MBD5: variants seen among roughly 807,000 people sequenced by gnomAD.
MBD5 encodes methyl-CpG-binding domain protein 5.
Under a neutral mutation model 117.3 loss-of-function variants are expected in MBD5, and 13 were observed. The observed-to-expected ratio is 0.11, with a 90% CI of 0.07 to 0.18. The LOEUF (loss-of-function observed/expected upper bound fraction) is 0.18, where lower values mean the gene tolerates loss of function less well. Ranked by LOEUF, MBD5 falls within the 10% of genes least tolerant of loss-of-function variation. The pLI is 1.00. For synonymous variants in MBD5, 727 were observed against 766.4 expected (o/e 0.95, Z 0.85); for missense variants, 1,879 against 2,093.8 (o/e 0.90, Z 2.00).
intron 1 of MBD5, among the ~76,000 whole-genome samples, chr2:148,110,799 C>T (rs964348354): frequency 4.6e-5 from 7 of 151,616 alleles, no homozygotes; most frequent in African/African-American, 1.5e-4. Flanking sequence ...GTTGATTTCT[C>T]TATTGTTTTA....
chr2:148,035,188 C>G (rs1694156309), intron 1 of MBD5, among the ~76,000 whole-genome samples: 1 of 151,894 alleles, frequency 6.6e-6, no homozygotes, highest in African/African-American at 2.4e-5. Flanking sequence ...TGGATTGTTA[C>G]CTTTATTAAT....
Position 148,484,011 on chromosome 2 carries a change from G to A in MBD5, c.3420G>A (p.Val1140=). The change falls in exon 9 of 14, where the codon GTG becomes GTA. Residue 1140 remains valine (V), a synonymous_variant. Coordinates refer to ENST00000642680, the MANE Select transcript of MBD5 (RefSeq NM_001378120.1). ...CAACACTTGGTGGGACAGCAGTGGT[G>A]TCAATGGCAGAAACATTGCTGAATA... is the stretch of plus-strand genomic sequence containing the variant. ...TVSTLGGTAV[V]SMAETLLNIS... is the part of the protein sequence containing the mutation. 6.4e-7 allele frequency: 1 copy of A among 1,550,512 alleles called. No individual in the cohort carries two copies. The highest frequency in any genetic ancestry group is 8.7e-7 in the Non-Finnish European group (1 of 1,146,948).
chr2:148,202,715 A>G (rs1699174398), intron 2 of MBD5, among the ~76,000 whole-genome samples: 1 of 152,132 alleles, frequency 6.6e-6, no homozygotes, highest in South Asian at 2.1e-4. Context: ...TCAATGGTAA[A>G]TAACTTTTTT....
intron 3 of MBD5, among the ~76,000 whole-genome samples, chr2:148,318,084 T>A (rs975173606): frequency 6.6e-6 from 1 of 152,218 alleles, no homozygotes; most frequent in East Asian, 1.9e-4. Context: ...GGTGTATACA[T>A]ATTTTCTATT....
Position 148,267,952 on chromosome 2 carries a change from C to CT in MBD5, c.-680+34572dup, listed in dbSNP as rs764230358. On this transcript the variant is annotated intron_variant, in intron 3 of 13. Transcript: ENST00000642680. ...TCTCTCGCTCTCTTTTCTTTTTTTT[C>CT]TTTTTTTTTTTTTTTGAGACAGGTT... 5.7e-3 allele frequency among the ~76,000 whole-genome samples: 725 copies of CT among 127,182 alleles called. 4 individuals are homozygous for CT. The highest frequency in any genetic ancestry group is 0.013 in the African/African-American group (431 of 34,380). 83.4% of individuals were successfully genotyped at this position (127,182 alleles called of 152,430 possible).
Position 148,447,194 on chromosome 2 carries a change from AGAAAGAAAGAAAGAAAGAAAGAAAGAAAG to A in MBD5, c.-556-11008_-556-10980del, listed in dbSNP as rs1706576355. The stretch of plus-strand genomic sequence containing the variant: ...AAGGAAGAAGGAAAGAAAGAAAGAA[AGAAAGAAAGAAAGAAAGAAAGAAAGAAAG>A]AAAGAAAGAAAGGGAAAGGAGGGAG... On this transcript the variant is annotated intron_variant, in intron 4 of 13. Coordinates refer to ENST00000642680, the MANE Select transcript of MBD5 (RefSeq NM_001378120.1). Among the ~76,000 whole-genome samples the A allele has an allele frequency of 3.0e-4, 3 of 9,864 alleles. No individual in the cohort carries two copies. The Non-Finnish European group carries it at 4.8e-3, about 16-fold the overall frequency. The allele number at this position is 9,864 out of a possible 152,430, so 6.5% of individuals were successfully genotyped here.
intron 4 of MBD5, among the ~76,000 whole-genome samples, chr2:148,439,532 A>G (rs16828609): frequency 0.047 from 7,218 of 152,134 alleles, 309 homozygotes; most frequent in Admixed American, 0.096. Context: ...GATATTCTAT[A>G]CTCCTCATTC....
chr2:148,410,896 G>C (rs1355055948), intron 4 of MBD5, among the ~76,000 whole-genome samples: 1 of 152,098 alleles, frequency 6.6e-6, no homozygotes, highest in Non-Finnish European at 1.5e-5. Context: ...TACATGTGCA[G>C]GTTTGTTATA....
At chr2:148,038,231 AG>A (rs1382449465) in intron 1 of MBD5, among the ~76,000 whole-genome samples, 1 of 152,056 alleles carries the variant, frequency 6.6e-6, no homozygotes, top group East Asian at 1.9e-4. Context: ...TCTATATAAC[AG>A]GAGGAATCAC....
chr2:148,275,419 AG>A (rs1701084626), intron 3 of MBD5, among the ~76,000 whole-genome samples: 1 of 152,154 alleles, frequency 6.6e-6, no homozygotes, highest in Non-Finnish European at 1.5e-5. Flanking sequence ...ATTTATTTTA[AG>A]GAATTATCTC....
chr2:148,426,932 C>A (rs1279803627), intron 4 of MBD5, among the ~76,000 whole-genome samples: 6 of 151,722 alleles, frequency 4.0e-5, no homozygotes, highest in African/African-American at 9.7e-5. Context: ...CAGAATCTAC[C>A]ATGAACTCAA....
intron 4 of MBD5, among the ~76,000 whole-genome samples, chr2:148,403,543 A>G (rs1297196497): frequency 6.6e-6 from 1 of 152,192 alleles, no homozygotes; most frequent in Non-Finnish European, 1.5e-5. Flanking sequence ...TGATGTTTCC[A>G]TTGATTTCTA....
intron 3 of MBD5, among the ~76,000 whole-genome samples, chr2:148,258,064 C>T (rs1054766474): frequency 1.3e-5 from 2 of 152,154 alleles, no homozygotes; most frequent in African/African-American, 2.4e-5. Context: ...CTTTTTGTCT[C>T]AGTTATCTCT....
At chr2:148,386,731 AAAAAAAAAAAAAG>A in intron 4 of MBD5, among the ~76,000 whole-genome samples, 1 of 150,448 alleles carries the variant, frequency 6.6e-6, no homozygotes, top group South Asian at 2.1e-4. Flanking sequence ...AAAAAAAAAA[AAAAAAAAAAAAAG>A]AAGATACTTT....
chr2:148,234,006 T>C (rs1289052005), intron 3 of MBD5, among the ~76,000 whole-genome samples: 2 of 152,154 alleles, frequency 1.3e-5, no homozygotes, highest in Non-Finnish European at 2.9e-5. Context: ...TGGGCAAGGA[T>C]TGTGGACCAC....
chr2:148,294,501 G>GTTTTTTTTTTTT (rs58961481), intron 3 of MBD5, among the ~76,000 whole-genome samples: 6 of 113,260 alleles, frequency 5.3e-5, no homozygotes, highest in African/African-American at 1.8e-4. Flanking sequence ...TGGGATTACA[G>GTTTTTTTTTTTT]TTTTTTTTTT....
chr2:148,187,849 C>T (rs1698706763), intron 2 of MBD5, among the ~76,000 whole-genome samples: 1 of 151,960 alleles, frequency 6.6e-6, no homozygotes, highest in African/African-American at 2.4e-5. Flanking sequence ...GAATGAAGAG[C>T]CCCAGAAATT....
intron 2 of MBD5, among the ~76,000 whole-genome samples, chr2:148,217,893 C>T (rs1435559297): frequency 6.6e-6 from 1 of 152,116 alleles, no homozygotes; most frequent in Non-Finnish European, 1.5e-5. Flanking sequence ...GCCAGTTTCC[C>T]TTGCCTCCAT....
chr2:148,330,987 G>C (rs185936418), intron 3 of MBD5, among the ~76,000 whole-genome samples: 3 of 152,214 alleles, frequency 2.0e-5, no homozygotes, highest in Non-Finnish European at 4.4e-5. Flanking sequence ...ATAGAGCCAG[G>C]ATTTGAATCT....
Sources: allele counts gnomAD v4.1 joint callset (sites outside exome capture counted in the v4.1 genomes callset), GRCh38; gene constraint gnomAD v4.1.1; transcripts MANE v1.5; gene names NCBI Gene and HGNC (gene_info 2026-07-23, HGNC 2026-07-21).